The following FAM91A1 variants were observed in gnomAD, a reference collection of about 807,000 sequenced individuals.
The protein encoded by FAM91A1 is protein FAM91A1.
FAM91A1 carries 41 observed loss-of-function variants against 113.5 expected under a neutral mutation model. That is an observed-to-expected ratio of 0.36 (90% CI 0.28 to 0.47). The LOEUF (loss-of-function observed/expected upper bound fraction) is 0.47. Ranked by LOEUF, FAM91A1 falls within the 20% of genes least tolerant of loss-of-function variation. The pLI is 1.00. For missense variants in FAM91A1, 696 were observed against 1,001.2 expected, an observed-to-expected ratio of 0.70 and a Z score of 4.11; for synonymous variants, 307 against 347.9, an observed-to-expected ratio of 0.88 and a Z score of 1.31.
intron 5 of FAM91A1, among the ~76,000 whole-genome samples, 196 bp from the exon 6 acceptor site, chr8:123,778,463 C>T (rs1324416537): frequency 1.3e-5 from 2 of 151,546 alleles, no homozygotes; most frequent in South Asian, 2.1e-4. Context: ...TGTTTTGAAA[C>T]AATTTATTTT....
intron 6 of FAM91A1, among the ~76,000 whole-genome samples, chr8:123,779,755 T>C (rs1815073612): frequency 6.6e-6 from 1 of 152,216 alleles, no homozygotes; most frequent in Non-Finnish European, 1.5e-5. Flanking sequence ...CTAGCAAATG[T>C]TGGTACTTAC....
chr8:123,781,581 G>A (rs369131899), intron 8 of FAM91A1, among the ~76,000 whole-genome samples: 1 of 150,366 alleles, frequency 6.7e-6, no homozygotes, highest in Non-Finnish European at 1.5e-5. Flanking sequence ...GGGTTCAAGC[G>A]ATTCTCCTGC....
In FAM91A1 at chr8:123,805,326, A is replaced by G. The variant is rs1434262924; in HGVS notation, c.1869A>G (p.Thr623=). ...ATGTCCCATTTCCATTTGATGAAACAGAACTACAAGGAGGTACCTTTTGAA... is the reference window on the plus strand; with the variant it reads ...ATGTCCCATTTCCATTTGATGAAACGGAACTACAAGGAGGTACCTTTTGAA... The part of the protein sequence containing the change: ...TVHVPFPFDE[T]ELQGEFTRVN... The change falls in exon 19 of 24, where the codon ACA becomes ACG. Residue 623 remains threonine, a synonymous_variant. Coordinates refer to ENST00000334705, the MANE Select transcript of FAM91A1 (RefSeq NM_144963.4). The G allele has an allele frequency of 1.2e-6, 2 of 1,611,868 alleles. No individual in the cohort carries two copies.
At chr8:123,810,179 G>A (rs1158115624) in intron 22 of FAM91A1, 103 bp from the exon 23 acceptor site, 1 of 1,067,734 alleles carries the variant, frequency 9.4e-7, no homozygotes, top group Non-Finnish European at 1.4e-6. Context: ...TGATTGGCCA[G>A]GATATATAGA....
At chr8:123,788,595 C>G (rs915114349) in intron 14 of FAM91A1, among the ~76,000 whole-genome samples, 1 of 151,934 alleles carries the variant, frequency 6.6e-6, no homozygotes, top group African/African-American at 2.4e-5. Flanking sequence ...TTACTTTTAC[C>G]TTTATACTGC....
intron 18 of FAM91A1, among the ~76,000 whole-genome samples, chr8:123,802,614 G>A (rs1439418860): frequency 1.3e-5 from 2 of 152,194 alleles, no homozygotes; most frequent in Non-Finnish European, 2.9e-5. Context: ...TGAGAGGTTA[G>A]ACAAGAGTGA....
chr8:123,787,551 AC>A, intron 13 of FAM91A1, 112 bp from the exon 14 acceptor site: 3 of 1,038,764 alleles, frequency 2.9e-6, no homozygotes, highest in Non-Finnish European at 2.8e-6. Context: ...TTAGCCCCTC[AC>A]CCCCCAATCC....
At chr8:123,777,547 A>G (rs1258164209) in intron 4 of FAM91A1, among the ~76,000 whole-genome samples, 1 of 152,252 alleles carries the variant, frequency 6.6e-6, no homozygotes, top group Non-Finnish European at 1.5e-5. Context: ...AATCAGAAAA[A>G]TAAGACTAAT....
At chr8:123,794,180 G>A (rs573591651) in intron 15 of FAM91A1, among the ~76,000 whole-genome samples, 1 of 152,332 alleles carries the variant, frequency 6.6e-6, no homozygotes, top group South Asian at 2.1e-4. Flanking sequence ...CCACTTATGG[G>A]ATAATTTTTA....
Position 123,787,644 on chromosome 8 carries a change from ATT to A in FAM91A1, c.1192-17_1192-16del. The A allele has an allele frequency of 6.3e-7, 1 of 1,592,316 alleles. No individual in the cohort carries two copies. The highest frequency in any genetic ancestry group is 8.6e-7 in the Non-Finnish European group (1 of 1,166,576). On this transcript the variant is annotated intron_variant, in intron 13 of 23. Transcript: ENST00000334705. ...AAAAAGGGAGAAGTAGAACTTTAATATTTTGTTTCTTTTTTTCAGAACTTGAA... is the reference window on the plus strand; with the variant it reads ...AAAAAGGGAGAAGTAGAACTTTAATATTGTTTCTTTTTTTCAGAACTTGAA...
At chr8:123,808,432 T>C in intron 21 of FAM91A1, 56 bp downstream of exon 21, 1 of 1,444,340 alleles carries the variant, frequency 6.9e-7, no homozygotes, top group Admixed American at 1.8e-5. Flanking sequence ...GGTTTAACTT[T>C]TATGTTAAGG....
chr8:123,797,513 G>T (rs935777116), intron 15 of FAM91A1, among the ~76,000 whole-genome samples: 1 of 152,122 alleles, frequency 6.6e-6, no homozygotes, highest in Non-Finnish European at 1.5e-5. Flanking sequence ...TTACTGTGAA[G>T]ATGAGGAAGA....
intron 3 of FAM91A1, among the ~76,000 whole-genome samples, chr8:123,775,579 T>C (rs1282007193): frequency 1.3e-5 from 2 of 152,232 alleles, no homozygotes; most frequent in Non-Finnish European, 2.9e-5. Flanking sequence ...CAGTCATTTA[T>C]GTTGGCAGAG....
intron 14 of FAM91A1, among the ~76,000 whole-genome samples, chr8:123,789,095 C>G (rs1310075739): frequency 1.3e-5 from 2 of 152,126 alleles, no homozygotes; most frequent in Non-Finnish European, 2.9e-5. Flanking sequence ...ATTACTCTAT[C>G]CTTATCTCCT....
intron 5 of FAM91A1, 54 bp downstream of exon 5, chr8:123,778,146 G>T: frequency 1.6e-6 from 2 of 1,286,094 alleles, no homozygotes. Context: ...AGTTTGATTA[G>T]TTTTTTTAAG....
chr8:123,802,446 G>A (rs983895993), intron 18 of FAM91A1, among the ~76,000 whole-genome samples: 2 of 152,122 alleles, frequency 1.3e-5, no homozygotes, highest in Admixed American at 1.3e-4. Context: ...AGGAGGTGGT[G>A]ATATCACTAC....
intron 6 of FAM91A1, among the ~76,000 whole-genome samples, chr8:123,779,008 A>C (rs950081642): frequency 2.0e-5 from 3 of 152,200 alleles, no homozygotes; most frequent in African/African-American, 7.2e-5. Context: ...GATGTTAATT[A>C]GATAGAAGCT....
rs200437113 is a variant in FAM91A1 at position 123,787,250 on chromosome 8, G to A, written c.1079-11G>A. On this transcript the variant is annotated splice_polypyrimidine_tract_variant and intron_variant, in intron 12 of 23. Coordinates refer to ENST00000334705, the MANE Select transcript of FAM91A1 (RefSeq NM_144963.4). ...TCCATTTACTTGATTTTAAATTATG[G>A]TGTTTTTCAGCTGACACAGCCAGTG... 158 of 1,579,786 alleles carry A rather than the reference G, an allele frequency of 1.0e-4. No homozygotes were observed. In the African/African-American group the frequency reaches 1.8e-3, roughly 18 times the overall value.
At chr8:123,811,618 T>TA (rs2130170488) in intron 23 of FAM91A1, among the ~76,000 whole-genome samples, 1 of 152,146 alleles carries the variant, frequency 6.6e-6, no homozygotes, top group African/African-American at 2.4e-5. Context: ...GAATGATTCT[T>TA]ATGTTTTTTG....
Sources: allele counts gnomAD v4.1 joint callset (sites outside exome capture counted in the v4.1 genomes callset), GRCh38; gene constraint gnomAD v4.1.1; transcripts MANE v1.5; gene names NCBI Gene and HGNC (gene_info 2026-07-23, HGNC 2026-07-21).